DNAJC3: variants seen among roughly 807,000 people sequenced by gnomAD.
DNAJC3 encodes dnaJ homolog subfamily C member 3.
DNAJC3 carries 38 observed loss-of-function variants against 68.6 expected under a neutral mutation model. The observed-to-expected ratio is 0.55, with a 90% CI of 0.43 to 0.73. The LOEUF (loss-of-function observed/expected upper bound fraction) is 0.73. Ranked by LOEUF, DNAJC3 falls within the 30% of genes least tolerant of loss-of-function variation. The pLI, the probability that DNAJC3 is intolerant of heterozygous loss-of-function variation, is 0.00. For synonymous variants in DNAJC3, 203 were observed against 204.0 expected (o/e 1.00, Z 0.04); for missense variants, 526 against 591.9 (o/e 0.89, Z 1.16).
intron 4 of DNAJC3, among the ~76,000 whole-genome samples, chr13:95,736,922 GT>G (rs1226753206): frequency 6.7e-6 from 1 of 149,924 alleles, no homozygotes; most frequent in Non-Finnish European, 1.5e-5. Flanking sequence ...AATGCTTCCA[GT>G]TTTTGCCCAT....
chr13:95,700,438 G>A (rs1880554492), intron 1 of DNAJC3, among the ~76,000 whole-genome samples: 1 of 152,114 alleles, frequency 6.6e-6, no homozygotes, highest in African/African-American at 2.4e-5. Flanking sequence ...TATGTTCTGA[G>A]CCCCAAAATC....
At chr13:95,739,775 G>C (rs1337051278) in intron 4 of DNAJC3, among the ~76,000 whole-genome samples, 1 of 152,056 alleles carries the variant, frequency 6.6e-6, no homozygotes, top group Admixed American at 6.6e-5. Context: ...CCGTAGCTCA[G>C]AGTAATTTGA....
intron 9 of DNAJC3, among the ~76,000 whole-genome samples, chr13:95,770,693 G>A (rs973658587): frequency 7.9e-5 from 12 of 152,132 alleles, no homozygotes; most frequent in African/African-American, 2.7e-4. Context: ...TTTGATGTTA[G>A]AATGTGATCT....
intron 1 of DNAJC3, among the ~76,000 whole-genome samples, chr13:95,683,623 T>C (rs1288482841): frequency 1.3e-5 from 2 of 152,112 alleles, no homozygotes; most frequent in Non-Finnish European, 2.9e-5. Context: ...AAACCTCTTT[T>C]CTTTATAAAT....
chr13:95,717,704 A>G (rs1205171172), intron 2 of DNAJC3, among the ~76,000 whole-genome samples: 1 of 152,208 alleles, frequency 6.6e-6, no homozygotes, highest in Non-Finnish European at 1.5e-5. Context: ...ACGAGATCTG[A>G]AGATTTTATA....
intron 4 of DNAJC3, among the ~76,000 whole-genome samples, chr13:95,750,206 C>G (rs1882430309): frequency 1.4e-5 from 2 of 144,152 alleles, no homozygotes; most frequent in Admixed American, 7.2e-5. Flanking sequence ...CCTCTCCCAT[C>G]AATCTCTTCA....
At chr13:95,696,498 A>G (rs1400575874) in intron 1 of DNAJC3, among the ~76,000 whole-genome samples, 1 of 152,204 alleles carries the variant, frequency 6.6e-6, no homozygotes, top group Non-Finnish European at 1.5e-5. Context: ...GAGCACTGTC[A>G]TGCATTTGGT....
At chr13:95,784,154 C>T (rs1883528964) in intron 9 of DNAJC3, among the ~76,000 whole-genome samples, 2 of 152,178 alleles carry the variant, frequency 1.3e-5, no homozygotes, top group African/African-American at 4.8e-5. Context: ...GTCTTTTATC[C>T]TAGTGAAATG....
In DNAJC3 at chr13:95,739,083, AG is replaced by A. The variant is rs1323698388; in HGVS notation, c.393+13832del. 3.2e-4 allele frequency among the ~76,000 whole-genome samples: 48 copies of A among 151,902 alleles called. No individual in the cohort carries two copies. In the Middle Eastern group the frequency reaches 0.01, roughly 32 times the overall value. On this transcript the variant is annotated intron_variant, in intron 4 of 11. Coordinates refer to ENST00000602402, the MANE Select transcript of DNAJC3 (RefSeq NM_006260.5). ...GATTTTATTTCTCCTTCACTTATGA[AG>A]CTTAGTTTGGCTGGATATGCAATTC...
In DNAJC3 at chr13:95,730,521, C is replaced by T. The variant is rs553636225; in HGVS notation, c.393+5269C>T. 2.0e-5 allele frequency among the ~76,000 whole-genome samples: 3 copies of T among 152,246 alleles called. No individual in the cohort carries two copies. The South Asian group carries it at 6.2e-4, about 32-fold the overall frequency. The stretch of plus-strand genomic sequence containing the variant: ...ACAGGGATCCAGTTTCAATCTGCTG[C>T]ATATAGATATCCAGTTTTCACAGCA... On this transcript the variant is annotated intron_variant, in intron 4 of 11. Transcript: ENST00000602402.
chr13:95,760,839 G>GTGC (rs764123291), intron 7 of DNAJC3, 41 bp downstream of exon 7: 19 of 1,592,552 alleles, frequency 1.2e-5, no homozygotes, highest in Admixed American at 1.7e-5. Context: ...CATTCCTTAT[G>GTGC]TGCGGGGCTG....
chr13:95,776,966 C>G (rs902312007), intron 9 of DNAJC3, among the ~76,000 whole-genome samples: 11 of 152,184 alleles, frequency 7.2e-5, no homozygotes, highest in African/African-American at 1.2e-4. Context: ...CGCTGTTAGT[C>G]CCCTGCTTTG....
rs33918497 is a variant in DNAJC3, at chr13:95,683,932, CAA to C, written c.82+6613_82+6614del. 1.2e-3 allele frequency among the ~76,000 whole-genome samples: 142 copies of C among 117,352 alleles called. 1 individual carries two copies. Among genetic ancestry groups the C allele is most frequent in the African/African-American group, 4.6e-3 (137 of 29,740 alleles). The allele number at this position is 117,352 out of a possible 152,430, so 77.0% of individuals were successfully genotyped here. On this transcript the variant is annotated intron_variant, in intron 1 of 11. Transcript: ENST00000602402. ...TGGGTGACAGAGCAAAACTCCATCT[CAA>C]AAAAAAAAAAAAAAAAATTACCCAG...
intron 5 of DNAJC3, 75 bp from the exon 6 acceptor site, chr13:95,759,965 A>T (rs1389032018): frequency 1.4e-6 from 2 of 1,392,776 alleles, no homozygotes; most frequent in African/African-American, 2.9e-5. Context: ...ATACGTAGAT[A>T]AAAAATACGT....
intron 3 of DNAJC3, among the ~76,000 whole-genome samples, 196 bp downstream of exon 3, chr13:95,723,562 A>C (rs1232530046): frequency 6.6e-6 from 1 of 152,080 alleles, no homozygotes; most frequent in Non-Finnish European, 1.5e-5. Context: ...CAGCGGGTAC[A>C]TTAGATGTTT....
Position 95,743,019 on chromosome 13 carries a change from C to G in DNAJC3, c.394-14625C>G, listed in dbSNP as rs528399046. 3 of 372,664 alleles carry G rather than the reference C, an allele frequency of 8.1e-6. No individual in the cohort carries two copies. In the East Asian group the frequency reaches 2.2e-4, roughly 27 times the overall value. The allele number at this position is 372,664 out of a possible 1,614,324, so 23.1% of individuals were successfully genotyped here. Reference sequence around the variant, plus strand: ...TTTAGGTATCAGATTGCTTCAGCACCATATTTTGAAAAGACTTTGTTTCTT... The same window carrying G: ...TTTAGGTATCAGATTGCTTCAGCACGATATTTTGAAAAGACTTTGTTTCTT... On this transcript the variant is annotated intron_variant, in intron 4 of 11. Coordinates refer to ENST00000602402, the MANE Select transcript of DNAJC3 (RefSeq NM_006260.5).
At chr13:95,755,878 C>T (rs1490248729) in intron 4 of DNAJC3, among the ~76,000 whole-genome samples, 1 of 150,756 alleles carries the variant, frequency 6.6e-6, no homozygotes. Context: ...GTTTCTCCAA[C>T]TCCTTTCTTA....
intron 2 of DNAJC3, among the ~76,000 whole-genome samples, chr13:95,713,750 C>T (rs1049821583): frequency 6.6e-6 from 1 of 152,208 alleles, no homozygotes; most frequent in Admixed American, 6.5e-5. Flanking sequence ...TATTCTTTGC[C>T]TTGACCATGT....
At chr13:95,704,851 G>GTTTTTTTTGTTTTTTTTTTTTTTTTTTT (rs1880681297) in intron 1 of DNAJC3, among the ~76,000 whole-genome samples, 1 of 97,860 alleles carries the variant, frequency 1.0e-5, no homozygotes, top group Non-Finnish European at 1.9e-5. Flanking sequence ...GTGTGTGTGT[G>GTTTTTTTTGTTTTTTTTTTTTTTTTTTT]TTTTTTTTTT....
Sources: gnomAD v4.1 joint callset for allele counts (sites outside exome capture counted in the v4.1 genomes callset) on GRCh38, gnomAD v4.1.1 for gene constraint, MANE v1.5 for transcripts, NCBI Gene and HGNC (gene_info 2026-07-23, HGNC 2026-07-21) for gene names.